Variants in SCRN1 observed in about 807,000 individuals in gnomAD.
SCRN1 encodes secernin-1.
A neutral mutation model predicts 43.3 loss-of-function variants in SCRN1; 19 were observed. The ratio of observed to expected loss-of-function variants is 0.44; its 90% confidence interval spans 0.31 to 0.64. The LOEUF is 0.64. Ranked by LOEUF, SCRN1 falls within the 30% of genes least tolerant of loss-of-function variation. The pLI, the probability that SCRN1 is intolerant of heterozygous loss-of-function variation, is 0.09. For missense variants in SCRN1, 447 were observed against 524.1 expected, an observed-to-expected ratio of 0.85 and a Z score of 1.44; for synonymous variants, 183 against 188.9, an observed-to-expected ratio of 0.97 and a Z score of 0.26.
intron 2 of SCRN1, among the ~76,000 whole-genome samples, chr7:29,968,683 C>T (rs1157042655): frequency 2.0e-5 from 3 of 152,170 alleles, no homozygotes; most frequent in African/African-American, 4.8e-5. Flanking sequence ...GAACTATGTA[C>T]ATATTTCACT....
In SCRN1 at chr7:29,922,047, C is replaced by T. The variant is rs570023810; in HGVS notation, c.*1910G>A. The T allele has an allele frequency of 7.2e-5, 11 of 152,060 alleles. No homozygotes were observed. The highest frequency in any genetic ancestry group is 1.5e-4 in the Non-Finnish European group (10 of 68,022). 9.4% of individuals were successfully genotyped at this position (152,060 alleles called of 1,614,324 possible). A position where few individuals can be genotyped will look rare whatever the true frequency, so the allele number is the denominator to read the frequency against. ...CATCCTCGAACCTCACTTTCCCCCC[C>T]CCTTAACAGTGATAGAAAGACACTT... On this transcript the variant is annotated 3_prime_UTR_variant, in exon 8 of 8. Coordinates refer to ENST00000242059, the MANE Select transcript of SCRN1 (RefSeq NM_014766.5).
chr7:29,937,002 C>T (rs540008848), intron 5 of SCRN1, among the ~76,000 whole-genome samples: 6 of 152,220 alleles, frequency 3.9e-5, no homozygotes, highest in East Asian at 3.9e-4. Context: ...GCTGAGATCG[C>T]GTCACTGCAC....
chr7:29,947,396 C>A, intron 3 of SCRN1: 1 of 1,501,972 alleles, frequency 6.7e-7, no homozygotes, highest in South Asian at 1.3e-5. Flanking sequence ...CTTATCTTTT[C>A]AACATCTGTG....
At chr7:29,931,991 CA>C (rs1056078938) in intron 6 of SCRN1, among the ~76,000 whole-genome samples, 5 of 151,260 alleles carry the variant, frequency 3.3e-5, no homozygotes, top group Admixed American at 6.6e-5. Flanking sequence ...TTAAAACAAA[CA>C]AAAAAAAACT....
intron 5 of SCRN1, among the ~76,000 whole-genome samples, chr7:29,937,211 G>C (rs568980458): frequency 6.6e-6 from 1 of 152,316 alleles, no homozygotes; most frequent in Admixed American, 6.5e-5. Flanking sequence ...CTTCCCTTGT[G>C]ACTATGTGTG....
chr7:29,955,240 C>T lies in SCRN1; in HGVS notation c.280G>A (p.Ala94Thr). The stretch of plus-strand genomic sequence containing the variant: ...GCAGCTGGCTCTCTGGTGTTGATGG[C>T]TTCATTGGCTATGCACACTCCATGT... Reference protein sequence around the residue: ...NEHGVCIANEAINTREPAAEI... With the variant: ...NEHGVCIANETINTREPAAEI... The change falls in exon 3 of 8, where the codon GCC becomes ACC. Residue 94 changes from alanine (A) to threonine (T), a missense_variant. Ala to Thr is a moderately conservative substitution (Grantham distance 58). Coordinates refer to ENST00000242059, the MANE Select transcript of SCRN1 (RefSeq NM_014766.5). 1 of 1,614,182 alleles carries T rather than the reference C, an allele frequency of 6.2e-7. No individual in the cohort carries two copies. Among genetic ancestry groups the T allele is most frequent in the Non-Finnish European group, 8.5e-7 (1 of 1,180,034 alleles).
chr7:29,925,854 C>CAAAAAAA (rs59395122), intron 7 of SCRN1, among the ~76,000 whole-genome samples: 4 of 83,982 alleles, frequency 4.8e-5, no homozygotes, highest in Admixed American at 1.3e-4. Flanking sequence ...ACTAAAAATA[C>CAAAAAAA]AAAAAAAAAA....
At chr7:29,935,520 A>G (rs1446673915) in intron 6 of SCRN1, among the ~76,000 whole-genome samples, 1 of 152,242 alleles carries the variant, frequency 6.6e-6, no homozygotes, top group African/African-American at 2.4e-5. Flanking sequence ...AACCTACTGG[A>G]ATGGGCAGGC....
chr7:29,945,346 GCTATTCTC>G (rs1787701444), intron 3 of SCRN1, among the ~76,000 whole-genome samples: 1 of 152,172 alleles, frequency 6.6e-6, no homozygotes, highest in Non-Finnish European at 1.5e-5. Flanking sequence ...TCTTTCCTGT[GCTATTCTC>G]GTGATAGTGA....
At chr7:29,933,253 T>C (rs1303882941) in intron 6 of SCRN1, among the ~76,000 whole-genome samples, 1 of 152,218 alleles carries the variant, frequency 6.6e-6, no homozygotes, top group Non-Finnish European at 1.5e-5. Flanking sequence ...CTAACAACTA[T>C]ATCTCTGAAA....
rs114351003 is a variant in SCRN1 at position 29,940,039 on chromosome 7, G to A, written c.739+643C>T. ...GTGGCATATGTTTGTAGTCCCAGCT[G>A]TTGGGATGGCAGCAGGGGTGCAGCT... is the stretch of plus-strand genomic sequence containing the variant. On this transcript the variant is annotated intron_variant, in intron 5 of 7. Transcript: ENST00000242059. 3.4e-3 allele frequency among the ~76,000 whole-genome samples: 520 copies of A among 152,156 alleles called. 6 individuals carry two copies. Among genetic ancestry groups the A allele is most frequent in the African/African-American group, 0.012 (497 of 41,518 alleles).
At chr7:29,948,359 TATGTGCAAAGC>T (rs370649122) in intron 3 of SCRN1, among the ~76,000 whole-genome samples, 4 of 152,294 alleles carry the variant, frequency 2.6e-5, no homozygotes, top group Middle Eastern at 3.4e-3. Flanking sequence ...AATGAAATAA[TATGTGCAAAGC>T]ATGTCTTACT....
At chr7:29,980,305 G>A (rs937506230) in intron 1 of SCRN1, among the ~76,000 whole-genome samples, 1 of 152,216 alleles carries the variant, frequency 6.6e-6, no homozygotes, top group Non-Finnish European at 1.5e-5. Flanking sequence ...GTGGGAAATA[G>A]GGAGGTACTG....
At position 29,983,500 on chromosome 7, in the gene SCRN1, C is replaced by G. The variant is rs1028239209; in HGVS notation, c.-2+6142G>C. 2.0e-5 allele frequency among the ~76,000 whole-genome samples: 3 copies of G among 150,400 alleles called. No homozygotes were observed. The South Asian group carries it at 6.3e-4, about 31-fold the overall frequency. Reference sequence around the variant, plus strand: ...GTGACATGGCAGAAGATTTAAAGAACAGAGAATGTTCCTGTTCTTTGCTAG... The same window carrying G: ...GTGACATGGCAGAAGATTTAAAGAAGAGAGAATGTTCCTGTTCTTTGCTAG... On this transcript the variant is annotated intron_variant, in intron 1 of 7. Transcript: ENST00000242059.
chr7:29,966,497 A>G (rs1181347077), intron 2 of SCRN1, among the ~76,000 whole-genome samples: 4 of 152,214 alleles, frequency 2.6e-5, no homozygotes, highest in Non-Finnish European at 5.9e-5. Context: ...GAGGACAGAC[A>G]AGGAAGGTCA....
intron 2 of SCRN1, among the ~76,000 whole-genome samples, chr7:29,959,027 T>C (rs537963770): frequency 6.6e-6 from 1 of 152,338 alleles, no homozygotes; most frequent in Non-Finnish European, 1.5e-5. Context: ...AAGCCCTTCA[T>C]TATTTTGTGA....
chr7:29,928,120 C>T (rs1299254399), intron 6 of SCRN1, among the ~76,000 whole-genome samples: 2 of 152,176 alleles, frequency 1.3e-5, no homozygotes, highest in Non-Finnish European at 2.9e-5. Context: ...GAGACTTTGT[C>T]TCAAAAACAA....
At chr7:29,929,327 G>T (rs1787080043) in intron 6 of SCRN1, among the ~76,000 whole-genome samples, 1 of 152,238 alleles carries the variant, frequency 6.6e-6, no homozygotes. Context: ...CTCAACACCT[G>T]GCAGGCAAGG....
chr7:29,970,966 C>T (rs906819673), intron 1 of SCRN1, among the ~76,000 whole-genome samples: 1 of 152,328 alleles, frequency 6.6e-6, no homozygotes, highest in Admixed American at 6.5e-5. Context: ...TCCCTGAAGG[C>T]AGGACTGATG....
Sources: gnomAD v4.1 joint callset for allele counts (sites outside exome capture counted in the v4.1 genomes callset) on GRCh38, gnomAD v4.1.1 for gene constraint, MANE v1.5 for transcripts, NCBI Gene and HGNC (gene_info 2026-07-23, HGNC 2026-07-21) for gene names.